CNTN5: variants seen among roughly 807,000 people sequenced by gnomAD.
CNTN5 encodes the protein contactin-5.
A neutral mutation model predicts 129.1 loss-of-function variants in CNTN5; 77 were observed. The ratio of observed to expected loss-of-function variants is 0.60; its 90% CI spans 0.50 to 0.72. CNTN5 has a LOEUF of 0.72. Among genes scored for constraint, CNTN5 ranks in the 30% least tolerant of loss-of-function variants. CNTN5 has a pLI of 0.00. For synonymous variants in CNTN5, 509 were observed against 465.6 expected (o/e 1.09, Z -1.20); for missense variants, 1,478 against 1,328.8 (o/e 1.11, Z -1.75).
At chr11:99,930,431 T>C (rs1213496925) in intron 7 of CNTN5, among the ~76,000 whole-genome samples, 4 of 152,120 alleles carry the variant, frequency 2.6e-5, no homozygotes, top group Non-Finnish European at 5.9e-5. Flanking sequence ...GCTCAAGGTG[T>C]TTCCTATGTG....
intron 9 of CNTN5, among the ~76,000 whole-genome samples, 197 bp downstream of exon 9, chr11:100,002,333 G>A (rs551913759): frequency 6.6e-6 from 1 of 152,034 alleles, no homozygotes; most frequent in Non-Finnish European, 1.5e-5. Context: ...ATGGACAACA[G>A]TTTCTATAAT....
intron 7 of CNTN5, among the ~76,000 whole-genome samples, chr11:99,933,214 A>G (rs12224929): frequency 0.063 from 9,544 of 152,250 alleles, 571 homozygotes; most frequent in East Asian, 0.27. Flanking sequence ...GAGAAATAGA[A>G]ACAAATAGAA....
chr11:100,092,112 G>A (rs548691960), intron 13 of CNTN5, among the ~76,000 whole-genome samples: 56 of 152,186 alleles, frequency 3.7e-4, no homozygotes, highest in Admixed American at 6.5e-4. Context: ...GGTTAAAATA[G>A]CATGGAAATT....
chr11:100,337,181 C>A, intron 21 of CNTN5: 1 of 1,497,596 alleles, frequency 6.7e-7, no homozygotes, highest in Non-Finnish European at 9.3e-7. Context: ...TGGGTTGACA[C>A]AGATGACACC....
intron 21 of CNTN5, among the ~76,000 whole-genome samples, chr11:100,318,768 G>C (rs914088616): frequency 6.6e-6 from 1 of 152,004 alleles, no homozygotes; most frequent in Non-Finnish European, 1.5e-5. Context: ...TACAGACATG[G>C]GCTTGCTTAA....
At chr11:99,921,513 C>T (rs1179572977) in intron 7 of CNTN5, among the ~76,000 whole-genome samples, 4 of 152,136 alleles carry the variant, frequency 2.6e-5, no homozygotes, top group African/African-American at 7.2e-5. Flanking sequence ...CTCCACAATT[C>T]GTTTCTCCAT....
At chr11:99,978,085 T>A (rs1938104790) in intron 8 of CNTN5, among the ~76,000 whole-genome samples, 1 of 152,236 alleles carries the variant, frequency 6.6e-6, no homozygotes, top group Non-Finnish European at 1.5e-5. Context: ...ACTTTCAGTG[T>A]AACCTGTGTA....
intron 2 of CNTN5, among the ~76,000 whole-genome samples, chr11:99,340,684 G>A (rs953119381): frequency 6.6e-6 from 1 of 152,124 alleles, no homozygotes; most frequent in African/African-American, 2.4e-5. Context: ...AGATCAAACG[G>A]TAGGAGAAAA....
chr11:99,324,553 A>G (rs961396895), intron 1 of CNTN5, among the ~76,000 whole-genome samples: 2 of 152,210 alleles, frequency 1.3e-5, no homozygotes, highest in Admixed American at 6.5e-5. Context: ...TAGGTTTTCA[A>G]TCCTAATACA....
intron 6 of CNTN5, among the ~76,000 whole-genome samples, chr11:99,850,585 C>T (rs768157019): frequency 6.6e-6 from 1 of 151,960 alleles, no homozygotes; most frequent in Non-Finnish European, 1.5e-5. Flanking sequence ...ACTTTATTAA[C>T]ATATTTAATG....
intron 13 of CNTN5, among the ~76,000 whole-genome samples, chr11:100,090,478 TTTCC>T (rs1944718506): frequency 4.7e-5 from 5 of 105,864 alleles, no homozygotes; most frequent in South Asian, 3.6e-4. Flanking sequence ...TTTTTCTCTC[TTTCC>T]CTCCCTCCTT....
At chr11:99,822,790 A>G (rs1946840988) in intron 4 of CNTN5, among the ~76,000 whole-genome samples, 1 of 152,254 alleles carries the variant, frequency 6.6e-6, no homozygotes, top group African/African-American at 2.4e-5. Flanking sequence ...CTCTCACTTT[A>G]TCTGTTGGCT....
intron 2 of CNTN5, among the ~76,000 whole-genome samples, chr11:99,395,616 C>T (rs973843259): frequency 4.6e-5 from 7 of 151,702 alleles, no homozygotes; most frequent in African/African-American, 1.5e-4. Flanking sequence ...AATCTTTGCC[C>T]ATTCCTATGT....
chr11:99,041,721 T>C (rs1410519017), intron 1 of CNTN5, among the ~76,000 whole-genome samples: 1 of 152,080 alleles, frequency 6.6e-6, no homozygotes, highest in Non-Finnish European at 1.5e-5. Context: ...CACAGAAAGG[T>C]GTCAGTGATA....
chr11:99,341,448 T>G (rs756118302), intron 2 of CNTN5, among the ~76,000 whole-genome samples: 2 of 152,158 alleles, frequency 1.3e-5, no homozygotes, highest in Non-Finnish European at 2.9e-5. Flanking sequence ...AAGTATGAAA[T>G]TATATGGAAT....
intron 3 of CNTN5, among the ~76,000 whole-genome samples, chr11:99,730,537 T>TA (rs1943496271): frequency 6.6e-6 from 1 of 152,236 alleles, no homozygotes; most frequent in Non-Finnish European, 1.5e-5. Flanking sequence ...GTATTGGTAA[T>TA]ACTTGTAGAA....
chr11:100,247,972 T>C (rs372556449), intron 16 of CNTN5, among the ~76,000 whole-genome samples: 22 of 152,102 alleles, frequency 1.4e-4, no homozygotes, highest in African/African-American at 5.3e-4. Context: ...TTCCAGACAG[T>C]AGCTAAACCT....
chr11:99,327,534 G>A (rs909471432), intron 2 of CNTN5, among the ~76,000 whole-genome samples: 8 of 152,102 alleles, frequency 5.3e-5, no homozygotes, highest in Non-Finnish European at 1.2e-4. Flanking sequence ...CTCTTATTAT[G>A]CCATTTTTGT....
intron 1 of CNTN5, among the ~76,000 whole-genome samples, chr11:99,149,346 C>A (rs1270624838): frequency 6.6e-6 from 1 of 151,868 alleles, no homozygotes; most frequent in African/African-American, 2.4e-5. Flanking sequence ...AGATGAGAGA[C>A]TTAAAAAATG....
Sources: gnomAD v4.1 joint callset for allele counts (sites outside exome capture counted in the v4.1 genomes callset) on GRCh38, gnomAD v4.1.1 for gene constraint, MANE v1.5 for transcripts, NCBI Gene and HGNC (gene_info 2026-07-23, HGNC 2026-07-21) for gene names.